CAMK1D: variants seen among roughly 807,000 people sequenced by gnomAD.
The protein encoded by CAMK1D is calcium/calmodulin-dependent protein kinase type 1D.
Under a neutral mutation model 47.7 loss-of-function variants are expected in CAMK1D, and 9 were observed. That is an observed-to-expected ratio of 0.19 (90% confidence interval 0.11 to 0.33). The LOEUF is 0.33. CAMK1D is among the 10% of genes least tolerant of loss of function. The pLI is 1.00. For missense variants in CAMK1D, 291 were observed against 488.7 expected (o/e 0.60, Z 3.81); for synonymous variants, 184 against 184.9 (o/e 0.99, Z 0.04).
intron 3 of CAMK1D, among the ~76,000 whole-genome samples, chr10:12,725,528 G>A (rs115565553): frequency 1.2e-3 from 185 of 152,286 alleles, no homozygotes; most frequent in African/African-American, 4.4e-3. Context: ...TTAGCCAGAA[G>A]AGTTAGTAAT....
intron 1 of CAMK1D, among the ~76,000 whole-genome samples, chr10:12,390,872 G>C (rs1392350343): frequency 6.6e-6 from 1 of 152,164 alleles, no homozygotes; most frequent in Non-Finnish European, 1.5e-5. Flanking sequence ...ACTAGATTCA[G>C]AATGAACTCA....
At chr10:12,614,109 C>G (rs757192505) in intron 2 of CAMK1D, among the ~76,000 whole-genome samples, 1 of 152,162 alleles carries the variant, frequency 6.6e-6, no homozygotes, top group Non-Finnish European at 1.5e-5. Context: ...CCTTGATTCT[C>G]ACACCAGATT....
At position 12,619,342 on chromosome 10, in the gene CAMK1D, G is replaced by A. The variant is rs1031329602; in HGVS notation, c.225-47394G>A. ...GTCTTGCTCTGTTGCCCAGGCTGGA[G>A]TGCAGTGGTACAATCATGGCTTACT... is the stretch of plus-strand genomic sequence containing the variant. On this transcript the variant is annotated intron_variant, in intron 2 of 10. Transcript: ENST00000619168. 2.0e-5 allele frequency among the ~76,000 whole-genome samples: 3 copies of A among 151,954 alleles called. No individual in the cohort carries two copies. The East Asian group carries it at 5.8e-4, about 29-fold the overall frequency.
At chr10:12,668,594 A>G (rs1472736724) in intron 3 of CAMK1D, among the ~76,000 whole-genome samples, 1 of 152,186 alleles carries the variant, frequency 6.6e-6, no homozygotes, top group Admixed American at 6.5e-5. Context: ...AAAGTGTAGG[A>G]AGTAATCTCA....
chr10:12,527,217 A>G (rs1835652799), intron 1 of CAMK1D, among the ~76,000 whole-genome samples: 1 of 151,818 alleles, frequency 6.6e-6, no homozygotes, highest in Non-Finnish European at 1.5e-5. Flanking sequence ...AAAAAGAAAA[A>G]AATTTCCTGG....
intron 3 of CAMK1D, among the ~76,000 whole-genome samples, chr10:12,683,513 G>A (rs1367682073): frequency 6.6e-6 from 1 of 152,126 alleles, no homozygotes; most frequent in East Asian, 1.9e-4. Context: ...GATGGATAAT[G>A]TTACACTTGT....
intron 2 of CAMK1D, among the ~76,000 whole-genome samples, chr10:12,637,287 A>G (rs1839536995): frequency 1.3e-5 from 2 of 152,098 alleles, no homozygotes; most frequent in South Asian, 4.1e-4. Flanking sequence ...TTTATTTCTG[A>G]AGATAATTTG....
At chr10:12,720,420 C>G (rs960568123) in intron 3 of CAMK1D, among the ~76,000 whole-genome samples, 10 of 152,220 alleles carry the variant, frequency 6.6e-5, no homozygotes, top group African/African-American at 2.2e-4. Flanking sequence ...CCTTGAACTT[C>G]ACAGACATGC....
intron 1 of CAMK1D, among the ~76,000 whole-genome samples, chr10:12,504,108 G>T (rs192128746): frequency 6.1e-5 from 9 of 147,752 alleles, no homozygotes; most frequent in Admixed American, 4.7e-4. Flanking sequence ...CAATAAGATG[G>T]GTGTGTGTGT....
At chr10:12,586,744 A>C (rs1164658518) in intron 2 of CAMK1D, among the ~76,000 whole-genome samples, 1 of 152,086 alleles carries the variant, frequency 6.6e-6, no homozygotes. Context: ...AAGAAAAAAA[A>C]CAACAAAAAA....
At chr10:12,500,471 A>G (rs2768443) in intron 1 of CAMK1D, among the ~76,000 whole-genome samples, 57,797 of 152,070 alleles carry the variant, frequency 0.38, 11,072 homozygotes, top group East Asian at 0.46. Context: ...AGCCAGCACC[A>G]GGAACCTTTC....
intron 1 of CAMK1D, among the ~76,000 whole-genome samples, chr10:12,412,031 G>A (rs963034326): frequency 1.3e-5 from 2 of 152,348 alleles, no homozygotes; most frequent in East Asian, 1.9e-4. Flanking sequence ...GTCTATCAGC[G>A]TGGGCTGGTT....
At chr10:12,472,558 T>C (rs1390688774) in intron 1 of CAMK1D, among the ~76,000 whole-genome samples, 2 of 152,150 alleles carry the variant, frequency 1.3e-5, no homozygotes, top group African/African-American at 4.8e-5. Context: ...GGAGTCTTGC[T>C]CTGTCACCCA....
At chr10:12,805,372 T>G (rs1210104523) in intron 6 of CAMK1D, among the ~76,000 whole-genome samples, 1 of 138,918 alleles carries the variant, frequency 7.2e-6, no homozygotes, top group Non-Finnish European at 1.7e-5. Flanking sequence ...CATTTCTTTT[T>G]TTTTTTTTTT....
chr10:12,582,778 C>T (rs1460494509), intron 2 of CAMK1D, among the ~76,000 whole-genome samples: 1 of 152,068 alleles, frequency 6.6e-6, no homozygotes, highest in Non-Finnish European at 1.5e-5. Context: ...AATTTTAAGT[C>T]CTTGAAGAAT....
chr10:12,423,783 CCTGA>C (rs904314035), intron 1 of CAMK1D, among the ~76,000 whole-genome samples: 3 of 152,202 alleles, frequency 2.0e-5, no homozygotes, highest in African/African-American at 7.2e-5. Context: ...AATGCGTTAG[CCTGA>C]CTAAGTTGGT....
At chr10:12,670,838 C>T (rs554749542) in intron 3 of CAMK1D, among the ~76,000 whole-genome samples, 40 of 152,280 alleles carry the variant, frequency 2.6e-4, no homozygotes, top group Admixed American at 7.8e-4. Flanking sequence ...TGTGAGCCAC[C>T]GTGCCCAGCC....
At chr10:12,723,494 A>T (rs1184365839) in intron 3 of CAMK1D, among the ~76,000 whole-genome samples, 3 of 152,208 alleles carry the variant, frequency 2.0e-5, no homozygotes, top group African/African-American at 7.2e-5. Flanking sequence ...TACTGAAAAT[A>T]CCGCAGTAGT....
intron 3 of CAMK1D, among the ~76,000 whole-genome samples, chr10:12,694,192 A>G (rs1414580502): frequency 4.6e-5 from 1 of 21,624 alleles, no homozygotes; most frequent in Non-Finnish European, 8.4e-5. Context: ...ATAATATAAT[A>G]TATATTATAT....
Sources: gnomAD v4.1 joint callset for allele counts (sites outside exome capture counted in the v4.1 genomes callset) on GRCh38, gnomAD v4.1.1 for gene constraint, MANE v1.5 for transcripts, NCBI Gene and HGNC (gene_info 2026-07-23, HGNC 2026-07-21) for gene names.